Variants in MLLT1 observed in about 807,000 individuals in gnomAD.
MLLT1 encodes the protein MLLT1 super elongation complex subunit.
MLLT1 carries 11 observed loss-of-function variants against 55.1 expected under a neutral mutation model. That is an observed-to-expected ratio of 0.20 (90% confidence interval 0.13 to 0.33). The LOEUF (loss-of-function observed/expected upper bound fraction) is 0.33, where lower values mean the gene tolerates loss of function less well. MLLT1 is among the 10% of genes least tolerant of loss of function. The pLI is 1.00. For synonymous variants in MLLT1, 323 were observed against 320.1 expected (o/e 1.01, Z -0.10); for missense variants, 536 against 760.6 (o/e 0.70, Z 3.47).
rs1865062 is a variant in MLLT1 at position 6,262,525 on chromosome 19, G to A, written c.194-215C>T. Reference sequence around the variant, plus strand: ...AAACAGCAGGGAAGAAGAGGAGAAAGGAGACTTGGCCACCGGCATGGTCAG... The same window carrying A: ...AAACAGCAGGGAAGAAGAGGAGAAAAGAGACTTGGCCACCGGCATGGTCAG... On this transcript the variant is annotated intron_variant, in intron 2 of 11. Coordinates refer to ENST00000252674, the MANE Select transcript of MLLT1 (RefSeq NM_005934.4). This position sits in a 1 kb window ranked among gnomAD's most constrained non-coding sequence, Gnocchi z 4.4. 0.045 allele frequency among the ~76,000 whole-genome samples: 6,777 copies of A among 152,198 alleles called. 242 individuals are homozygous for A. The highest frequency in any genetic ancestry group is 0.096 in the African/African-American group (3,973 of 41,506).
At chr19:6,263,636 G>T (rs555375797) in intron 2 of MLLT1, among the ~76,000 whole-genome samples, 5 of 152,326 alleles carry the variant, frequency 3.3e-5, no homozygotes, top group African/African-American at 1.2e-4. Context: ...GGGGAGAACA[G>T]GGAGACGCAC....
At chr19:6,245,727 A>AAAT (rs2091162141) in intron 3 of MLLT1, among the ~76,000 whole-genome samples, 1 of 134,998 alleles carries the variant, frequency 7.4e-6, no homozygotes, top group Non-Finnish European at 1.6e-5. Context: ...TAAACAAATA[A>AAAT]AATTTTTTTT....
At chr19:6,236,295 TACGAATGCTTC>T (rs2091060429) in intron 3 of MLLT1, among the ~76,000 whole-genome samples, 1 of 152,162 alleles carries the variant, frequency 6.6e-6, no homozygotes, top group Non-Finnish European at 1.5e-5. Context: ...ACTCAGCGGA[TACGAATGCTTC>T]ACAGCCCCAA....
At chr19:6,253,029 C>T (rs528294195) in intron 3 of MLLT1, among the ~76,000 whole-genome samples, 80 of 151,740 alleles carry the variant, frequency 5.3e-4, no homozygotes, top group African/African-American at 1.8e-3. Flanking sequence ...TTTGGGAGAC[C>T]GAAGTGGGCG....
chr19:6,258,942 G>A (rs971504396), intron 3 of MLLT1, among the ~76,000 whole-genome samples: 5 of 152,110 alleles, frequency 3.3e-5, no homozygotes, highest in Admixed American at 1.3e-4. Flanking sequence ...TATGTGCCAC[G>A]CGCCGGGCCA....
chr19:6,241,193 CCT>C (rs2091109782), intron 3 of MLLT1, among the ~76,000 whole-genome samples: 1 of 152,174 alleles, frequency 6.6e-6, no homozygotes, highest in African/African-American at 2.4e-5. Flanking sequence ...ATGAGGACAG[CCT>C]CTCTCTACCC....
intron 3 of MLLT1, among the ~76,000 whole-genome samples, chr19:6,250,317 T>C (rs2091202535): frequency 6.6e-6 from 1 of 152,190 alleles, no homozygotes; most frequent in South Asian, 2.1e-4. Flanking sequence ...GTGTTGCTAG[T>C]GGCAATATAA....
intron 5 of MLLT1, among the ~76,000 whole-genome samples, chr19:6,225,593 A>C (rs1600179288): frequency 6.6e-6 from 1 of 152,204 alleles, no homozygotes; most frequent in South Asian, 2.1e-4. Context: ...GATGCTCCCC[A>C]CAGATGCCGC....
chr19:6,268,378 T>C (rs776272007), intron 2 of MLLT1, among the ~76,000 whole-genome samples: 9 of 144,622 alleles, frequency 6.2e-5, no homozygotes, highest in African/African-American at 8.2e-5. Flanking sequence ...ATTGTCTACA[T>C]TTAAAAAATC....
intron 5 of MLLT1, among the ~76,000 whole-genome samples, chr19:6,223,490 G>A (rs575645456): frequency 6.6e-6 from 1 of 152,296 alleles, no homozygotes; most frequent in African/African-American, 2.4e-5. Context: ...ACAGGCCCAG[G>A]AGTGAGCCCA....
At position 6,229,084 on chromosome 19, in the gene MLLT1, C is replaced by T. The variant is rs546133704; in HGVS notation, c.420+1486G>A. ...AGGTCCTGGCTGCAGCCCAGAGCGG[C>T]CCAGGGAACGCCACTTCCCACAGCC... On this transcript the variant is annotated intron_variant, in intron 4 of 11. Transcript: ENST00000252674. This position sits in a 1 kb window ranked among gnomAD's most constrained non-coding sequence, Gnocchi z 5.2. Among the ~76,000 whole-genome samples, 1 of 152,340 alleles carries T rather than the reference C, an allele frequency of 6.6e-6. No homozygotes were observed. Among genetic ancestry groups the T allele is most frequent in the East Asian group, 1.9e-4 (1 of 5,170 alleles).
intron 5 of MLLT1, among the ~76,000 whole-genome samples, chr19:6,223,702 G>A (rs2090926856): frequency 6.6e-6 from 1 of 152,154 alleles, no homozygotes; most frequent in Admixed American, 6.5e-5. Context: ...CTTGTATGCT[G>A]TATGTTTCTG....
At chr19:6,214,452 T>C (rs1465176848) in intron 8 of MLLT1, among the ~76,000 whole-genome samples, 2 of 152,194 alleles carry the variant, frequency 1.3e-5, no homozygotes, top group Non-Finnish European at 2.9e-5. Flanking sequence ...GTCCCTCCGA[T>C]GCTCCCCTGG....
chr19:6,236,454 C>G (rs1182787949), intron 3 of MLLT1, among the ~76,000 whole-genome samples: 1 of 152,144 alleles, frequency 6.6e-6, no homozygotes, highest in East Asian at 1.9e-4. Flanking sequence ...CTGTTGCCCA[C>G]ACAAACCAAA....
At chr19:6,246,444 C>A (rs1172596267) in intron 3 of MLLT1, among the ~76,000 whole-genome samples, 1 of 152,196 alleles carries the variant, frequency 6.6e-6, no homozygotes, top group Non-Finnish European at 1.5e-5. Context: ...GCGGAACACT[C>A]CTCGAAAAAA....
At chr19:6,246,342 A>G (rs11085166) in intron 3 of MLLT1, among the ~76,000 whole-genome samples, 45,251 of 152,136 alleles carry the variant, frequency 0.3, 7,626 homozygotes, top group African/African-American at 0.44. Flanking sequence ...GCAAATGTTT[A>G]GGGCAGCCTT....
At chr19:6,278,990 G>A (rs2091442752) in intron 1 of MLLT1, among the ~76,000 whole-genome samples, 1 of 152,300 alleles carries the variant, frequency 6.6e-6, no homozygotes, top group African/African-American at 2.4e-5. Flanking sequence ...AGGGTCCTAG[G>A]GAGTCAGAGG....
intron 1 of MLLT1, among the ~76,000 whole-genome samples, chr19:6,278,032 GA>G (rs1050620278): frequency 6.6e-6 from 1 of 152,150 alleles, no homozygotes; most frequent in African/African-American, 2.4e-5. Context: ...CTGTCTCCAT[GA>G]CCCTGTGCCA....
chr19:6,239,555 G>A (rs535580343), intron 3 of MLLT1, among the ~76,000 whole-genome samples: 6 of 152,078 alleles, frequency 3.9e-5, no homozygotes, highest in South Asian at 2.1e-4. Flanking sequence ...ACACGCATGC[G>A]TACACACACC....
Sources: allele counts gnomAD v4.1 joint callset (sites outside exome capture counted in the v4.1 genomes callset), GRCh38; gene constraint gnomAD v4.1.1; non-coding constraint Gnocchi (gnomAD v3.1); transcripts MANE v1.5; gene names NCBI Gene and HGNC (gene_info 2026-07-23, HGNC 2026-07-21).